The following DIP2A variants were observed in gnomAD, a reference collection of about 807,000 sequenced individuals.
DIP2A encodes DIP2 acetate--CoA ligase A, also known as disco-interacting protein 2 homolog A.
A neutral mutation model predicts 177.4 loss-of-function variants in DIP2A; 85 were observed. The observed-to-expected ratio is 0.48, with a 90% CI of 0.40 to 0.57. The LOEUF (loss-of-function observed/expected upper bound fraction) is 0.57. Among genes scored for constraint, DIP2A ranks in the 20% least tolerant of loss-of-function variants. The probability of loss-of-function intolerance (pLI) is 0.00; values close to 1 mark genes in which losing one functional copy is unlikely to be tolerated. For missense variants in DIP2A, 1,791 were observed against 2,100.2 expected (o/e 0.85, Z 2.88); for synonymous variants, 886 against 881.8 (o/e 1.00, Z -0.08).
intron 3 of DIP2A, among the ~76,000 whole-genome samples, chr21:46,495,261 T>C (rs1348518735): frequency 1.4e-5 from 2 of 147,100 alleles, no homozygotes; most frequent in African/African-American, 2.5e-5. Flanking sequence ...TCTCTCTCTC[T>C]CTCTCTCTCT....
At chr21:46,533,492 C>A in intron 10 of DIP2A, 32 bp from the exon 11 acceptor site, 2 of 1,604,860 alleles carry the variant, frequency 1.2e-6, no homozygotes, top group Non-Finnish European at 1.7e-6. Context: ...CTGTGAGCAC[C>A]CCACCCCACA....
At position 46,528,527 on chromosome 21, in the gene DIP2A, CTTTTTTTTTT is replaced by C. The variant is rs1162872343; in HGVS notation, c.1103-533_1103-524del. ...ACCAAATACTGACTTTTTCTGCTTG[CTTTTTTTTTT>C]TTTTTTTTTTTTTTTTTTTTTTTTT... On this transcript the variant is annotated intron_variant, in intron 8 of 37. Transcript: ENST00000417564. 4.0e-3 allele frequency among the ~76,000 whole-genome samples: 117 copies of C among 29,398 alleles called. 3 individuals carry two copies. The highest frequency in any genetic ancestry group is 0.011 in the African/African-American group (73 of 6,440). The allele number at this position is 29,398 out of a possible 152,430, so 19.3% of individuals were successfully genotyped here.
Position 46,546,917 on chromosome 21 carries a change from C to G in DIP2A, c.2397C>G (p.Asp799Glu), listed in dbSNP as rs772886318. The change falls in exon 21 of 38, where the codon GAC (aspartate) becomes GAG (glutamate). Residue 799 changes from aspartate (D) to glutamate (E), a missense_variant and splice_region_variant. By Grantham distance (45) the Asp-to-Glu change is conservative. Transcript: ENST00000417564. The part of the protein sequence containing the change: ...RTGLLGFIGP[D>E]NLVFIVGKLD... ...TTGACGCACACCCTTTCCCTCAGGA[C>G]AACCTGGTCTTCATCGTGGGCAAAC... 15 of 1,613,690 alleles carry G rather than the reference C, an allele frequency of 9.3e-6. No homozygotes were observed. The highest frequency in any genetic ancestry group is 1.1e-5 in the Non-Finnish European group (13 of 1,179,774).
chr21:46,505,353 A>G (rs1440444545), intron 6 of DIP2A, among the ~76,000 whole-genome samples: 1 of 152,202 alleles, frequency 6.6e-6, no homozygotes, highest in Non-Finnish European at 1.5e-5. Flanking sequence ...TCACACCTGT[A>G]ATCCCAGCAC....
chr21:46,556,946 A>T lies in DIP2A; in HGVS notation c.3506A>T (p.His1169Leu), dbSNP rs1470194815. The T allele has an allele frequency of 6.4e-7, 1 of 1,564,386 alleles. No individual in the cohort carries two copies. The change falls in exon 30 of 38, where the codon CAC (histidine) becomes CTC (leucine). Residue 1169 changes from histidine to leucine, a missense_variant. Physicochemically the swap from His to Leu is moderately conservative, Grantham distance 99. Transcript: ENST00000417564. The surrounding 1 kb of genome is among the most constrained non-coding windows in gnomAD (Gnocchi z 4.5). ...CTTTATTTTACTCTTAAGATGTCGC[A>T]CGCGGCCACAAGCGCCTTATGCCGC... Reference protein sequence around the residue: ...TGILAGVKMSHAATSALCRSI... With the variant: ...TGILAGVKMSLAATSALCRSI...
chr21:46,468,973 T>C (rs192823500), intron 1 of DIP2A, among the ~76,000 whole-genome samples: 1 of 152,360 alleles, frequency 6.6e-6, no homozygotes, highest in Non-Finnish European at 1.5e-5. Flanking sequence ...AGTTTAAACT[T>C]CACTTTCTGT....
intron 10 of DIP2A, among the ~76,000 whole-genome samples, chr21:46,533,033 A>G (rs2059416948): frequency 6.6e-6 from 1 of 152,228 alleles, no homozygotes; most frequent in South Asian, 2.1e-4. Context: ...GAGTAAAACT[A>G]GAGATTTGTC....
chr21:46,502,726 G>A (rs1045976237), intron 5 of DIP2A, among the ~76,000 whole-genome samples: 1 of 152,090 alleles, frequency 6.6e-6, no homozygotes, highest in South Asian at 2.1e-4. Flanking sequence ...GGGATTACAG[G>A]TGTGAGCTAC....
intron 8 of DIP2A, among the ~76,000 whole-genome samples, chr21:46,523,259 G>C (rs1390202698): frequency 2.0e-5 from 3 of 149,694 alleles, no homozygotes; most frequent in African/African-American, 7.4e-5. Context: ...TTTTGAGATG[G>C]AGTCTGGCTC....
chr21:46,583,485 A>G, the DIP2A span, among the ~76,000 whole-genome samples: 1 of 152,342 alleles, frequency 6.6e-6, no homozygotes, highest in Middle Eastern at 3.4e-3. Flanking sequence ...TAAATTTAAA[A>G]GGATATAATA....
intron 3 of DIP2A, among the ~76,000 whole-genome samples, chr21:46,495,720 G>A (rs978593132): frequency 6.6e-6 from 1 of 152,112 alleles, no homozygotes; most frequent in Admixed American, 6.5e-5. Context: ...TGATCCTCCA[G>A]CTTCAGCTTC....
Position 46,567,653 on chromosome 21 carries a change from G to C in DIP2A, c.*31G>C. ...GCACACCGGCCCAGGTGCCGGAGAT[G>C]AATGAGCCCCAGCAGTCCAAGGTGT... On this transcript the variant is annotated 3_prime_UTR_variant, in exon 38 of 38. Coordinates refer to ENST00000417564, the MANE Select transcript of DIP2A (RefSeq NM_015151.4). The C allele has an allele frequency of 5.1e-6, 8 of 1,556,480 alleles. No individual in the cohort carries two copies. Among genetic ancestry groups the C allele is most frequent in the Non-Finnish European group, 5.2e-6 (6 of 1,149,190 alleles).
At chr21:46,473,714 C>T (rs539902984) in intron 1 of DIP2A, among the ~76,000 whole-genome samples, 3 of 152,128 alleles carry the variant, frequency 2.0e-5, no homozygotes, top group South Asian at 4.1e-4. Flanking sequence ...TGGGGTTTCA[C>T]CATGTTGGCC....
chr21:46,543,550 G>GGCACTCCCCCAGGCATGCACACA (rs141375551), intron 18 of DIP2A, among the ~76,000 whole-genome samples: 49 of 149,260 alleles, frequency 3.3e-4, no homozygotes, highest in African/African-American at 1.1e-3. Context: ...CGCTCCCCCA[G>GGCACTCCCCCAGGCATGCACACA]GCACTCCCCC....
chr21:46,461,369 TG>T (rs1601281873), intron 1 of DIP2A, among the ~76,000 whole-genome samples: 1 of 148,416 alleles, frequency 6.7e-6, no homozygotes, highest in Admixed American at 6.8e-5. Flanking sequence ...AAATTAGGAA[TG>T]GGTTTGACAG....
chr21:46,540,811 C>T (rs1411395011), intron 17 of DIP2A, among the ~76,000 whole-genome samples: 4 of 151,948 alleles, frequency 2.6e-5, no homozygotes, highest in Non-Finnish European at 4.4e-5. Context: ...GTTAGGAGTT[C>T]GAGACCGGCC....
Position 46,545,233 on chromosome 21 carries a change from C to T in DIP2A, c.2273C>T (p.Ala758Val), listed in dbSNP as rs779311734. Residue 758 changes from alanine to valine, a missense_variant, in exon 19 of 38, where the codon GCG becomes GTG. Coordinates refer to ENST00000417564, the MANE Select transcript of DIP2A (RefSeq NM_015151.4). ...ICVSSSATGT[A>V]YYGLLGITKN... ...GTCAGTTCCAGTGCAACTGGCACAG[C>T]GTACTATGGATTGCTTGGAATCACG... is the stretch of plus-strand genomic sequence containing the variant. 5 of 1,606,228 alleles carry T rather than the reference C, an allele frequency of 3.1e-6. No individual in the cohort carries two copies. Among genetic ancestry groups the T allele is most frequent in the African/African-American group, 1.3e-5 (1 of 74,904 alleles).
At chr21:46,491,385 A>G (rs2057004974) in intron 3 of DIP2A, among the ~76,000 whole-genome samples, 1 of 152,206 alleles carries the variant, frequency 6.6e-6, no homozygotes, top group African/African-American at 2.4e-5. Flanking sequence ...TTGTTTTAAG[A>G]ATACTGAAAA....
At position 46,537,378 on chromosome 21, in the gene DIP2A, C is replaced by A. The variant is rs117732863; in HGVS notation, c.1708-68C>A. 3.7e-6 allele frequency: 6 copies of A among 1,608,678 alleles called. No individual in the cohort carries two copies. The highest frequency in any genetic ancestry group is 1.3e-5 in the African/African-American group (1 of 74,944). ...CTGAAATGTTGTTGGGAGAGTACAT[C>A]GGTTTTGTTTTGCTTTTTCTGGTGT... On this transcript the variant is annotated intron_variant, in intron 14 of 37. Transcript: ENST00000417564. This position sits in a 1 kb window ranked among gnomAD's most constrained non-coding sequence, Gnocchi z 4.1.
Sources: allele counts gnomAD v4.1 joint callset (sites outside exome capture counted in the v4.1 genomes callset), GRCh38; gene constraint gnomAD v4.1.1; non-coding constraint Gnocchi (gnomAD v3.1); transcripts MANE v1.5; gene names NCBI Gene and HGNC (gene_info 2026-07-23, HGNC 2026-07-21).